The following METTL21A variants were observed in gnomAD, a reference collection of about 807,000 sequenced individuals.
The protein encoded by METTL21A is protein N-lysine methyltransferase METTL21A.
In METTL21A, 22 loss-of-function variants were observed where a neutral mutation model predicts 20.9. The ratio of observed to expected loss-of-function variants is 1.05; its 90% confidence interval spans 0.75 to 1.50. The LOEUF is 1.50. Ranked by LOEUF, METTL21A falls within the 40% of genes most tolerant of loss-of-function variation. The pLI is 0.00. For missense variants in METTL21A, 271 were observed against 266.8 expected (o/e 1.02, Z -0.11); for synonymous variants, 93 against 102.0 (o/e 0.91, Z 0.53).
intron 3 of METTL21A, among the ~76,000 whole-genome samples, chr2:207,615,908 G>C (rs186286861): frequency 6.6e-6 from 1 of 151,720 alleles, no homozygotes; most frequent in Non-Finnish European, 1.5e-5. Context: ...TCTCTTCTAT[G>C]ATTGTTTTTT....
At chr2:207,624,525 G>C (rs540253445) in intron 1 of METTL21A, 121 bp from the exon 2 acceptor site, 1 of 878,350 alleles carries the variant, frequency 1.1e-6, no homozygotes, top group Non-Finnish European at 1.6e-6. Flanking sequence ...AACAGGTGGA[G>C]GAAGCCTTTG....
At chr2:207,605,759 T>TA (rs2087984944), downstream of METTL21A, among the ~76,000 whole-genome samples, 1 of 152,196 alleles carries the variant, frequency 6.6e-6, no homozygotes, top group Non-Finnish European at 1.5e-5. Context: ...TTTTTACTGT[T>TA]ACAGATATAC....
intron 3 of METTL21A, chr2:207,598,537 T>C (rs1421659157): frequency 2.3e-5 from 4 of 176,514 alleles, no homozygotes; most frequent in South Asian, 2.0e-4. Flanking sequence ...GAAACTGACA[T>C]AATGTTAGGT....
chr2:207,601,933 G>A, intron 3 of METTL21A: 1 of 211,230 alleles, frequency 4.7e-6, no homozygotes. Flanking sequence ...CACAGTCACT[G>A]TATGTACTAG....
intron 3 of METTL21A, among the ~76,000 whole-genome samples, chr2:207,583,520 C>T (rs1261585695): frequency 3.3e-5 from 5 of 152,088 alleles, no homozygotes; most frequent in Non-Finnish European, 5.9e-5. Context: ...TGTTTTTGGC[C>T]TAATAGTATT....
At chr2:207,584,549 C>T (rs996851382) in intron 3 of METTL21A, among the ~76,000 whole-genome samples, 1 of 152,114 alleles carries the variant, frequency 6.6e-6, no homozygotes, top group African/African-American at 2.4e-5. Context: ...GGATTACAGG[C>T]ACCTGCCACC....
chr2:207,621,959 T>G, intron 2 of METTL21A, 42 bp from the exon 3 acceptor site: 1 of 1,557,954 alleles, frequency 6.4e-7, no homozygotes, highest in Non-Finnish European at 8.9e-7. Context: ...GGTCAACATG[T>G]GCTTGAGTAG....
intron 1 of METTL21A, 70 bp downstream of exon 1, chr2:207,624,992 A>C (rs1559137220): frequency 6.6e-6 from 1 of 152,350 alleles, no homozygotes; most frequent in Non-Finnish European, 1.5e-5. Flanking sequence ...GGGGGCCTCC[A>C]AGCGGCTCGC....
At chr2:207,624,880 T>C (rs1005228285) in intron 1 of METTL21A, 182 bp downstream of exon 1, 3 of 152,246 alleles carry the variant, frequency 2.0e-5, no homozygotes, top group African/African-American at 7.2e-5. Context: ...GTGATAACAA[T>C]GGGACAGAAC....
At chr2:207,615,483 G>A (rs1349150726) in intron 3 of METTL21A, among the ~76,000 whole-genome samples, 1 of 151,990 alleles carries the variant, frequency 6.6e-6, no homozygotes, top group Non-Finnish European at 1.5e-5. Context: ...GGATCATAAG[G>A]TCAAGAGATC....
chr2:207,594,002 A>G (rs959383356), intron 3 of METTL21A, among the ~76,000 whole-genome samples: 13 of 152,134 alleles, frequency 8.5e-5, no homozygotes, highest in African/African-American at 3.1e-4. Flanking sequence ...CTGGGATTAC[A>G]GGGGTGAGCC....
In METTL21A at chr2:207,612,835, T is replaced by C. The variant is rs1575114858; in HGVS notation, c.*211A>G. ...CTCACACTTAATCCTTTAATGTTAATTGCATTTCAGACTGAGTAAAGTCTG... is the reference window on the plus strand; with the variant it reads ...CTCACACTTAATCCTTTAATGTTAACTGCATTTCAGACTGAGTAAAGTCTG... On this transcript the variant is annotated 3_prime_UTR_variant, in exon 4 of 4. Coordinates refer to ENST00000406927, the Ensembl canonical transcript of METTL21A. The C allele has an allele frequency of 8.5e-6, 4 of 468,670 alleles. No homozygotes were observed. The East Asian group carries it at 1.0e-4, about 12-fold the overall frequency. 29.0% of individuals were successfully genotyped at this position (468,670 alleles called of 1,614,324 possible).
chr2:207,601,328 T>C (rs2106636866), intron 3 of METTL21A: 1 of 186,268 alleles, frequency 5.4e-6, no homozygotes, highest in Admixed American at 6.2e-5. Context: ...CTCAACTTTT[T>C]AGTCTTTCTC....
At position 207,582,873 on chromosome 2, in the gene METTL21A, AGAGT is replaced by A. The variant is rs760433730; in HGVS notation, c.260-717_260-714del. On this transcript the variant is annotated intron_variant, in intron 3 of 3. Transcript: ENST00000425132. ...GCACTACTACTCCAGCCTGAGTGAC[AGAGT>A]GAGACTCTGTCTCAAAAAAACAAAC... is the stretch of plus-strand genomic sequence containing the variant. The A allele has an allele frequency of 1.2e-4, 38 of 316,516 alleles. 1 individual carries two copies. Among genetic ancestry groups the A allele is most frequent in the South Asian group, 9.6e-4 (38 of 39,436 alleles). The allele number at this position is 316,516 out of a possible 1,614,324, so 19.6% of individuals were successfully genotyped here.
chr2:207,580,669 G>A (rs1222701286), downstream of METTL21A: 1 of 220,712 alleles, frequency 4.5e-6, no homozygotes, highest in African/African-American at 2.2e-5. Context: ...TCAAGATGAA[G>A]GTAAGTGGTA....
At chr2:207,609,174 A>G (rs2088572430), downstream of METTL21A, 1 of 152,252 alleles carries the variant, frequency 6.6e-6, no homozygotes, top group Admixed American at 6.5e-5. Flanking sequence ...AGAAAACAAC[A>G]TATTGGATAT....
intron 3 of METTL21A, among the ~76,000 whole-genome samples, chr2:207,583,356 T>A (rs1364167285): frequency 6.6e-6 from 1 of 152,226 alleles, no homozygotes; most frequent in East Asian, 1.9e-4. Flanking sequence ...GACTTCTCTT[T>A]GCCTGTTTGT....
At chr2:207,616,396 A>G (rs1361758460) in intron 3 of METTL21A, among the ~76,000 whole-genome samples, 2 of 152,258 alleles carry the variant, frequency 1.3e-5, no homozygotes, top group Non-Finnish European at 2.9e-5. Context: ...CCTGGTAGGT[A>G]TTCCAGAAGT....
At chr2:207,614,190 C>T (rs1220966256) in intron 3 of METTL21A, among the ~76,000 whole-genome samples, 2 of 152,010 alleles carry the variant, frequency 1.3e-5, no homozygotes, top group African/African-American at 4.8e-5. Flanking sequence ...CCCTTGAGCC[C>T]AGGAGTTCAA....
Sources: allele counts gnomAD v4.1 joint callset (sites outside exome capture counted in the v4.1 genomes callset), GRCh38; gene constraint gnomAD v4.1.1; transcripts MANE v1.5; gene names NCBI Gene and HGNC (gene_info 2026-07-23, HGNC 2026-07-21).